ANKRD36: variants seen among roughly 807,000 people sequenced by gnomAD.
The protein encoded by ANKRD36 is ankyrin repeat domain 36.
A neutral mutation model predicts 278.1 loss-of-function variants in ANKRD36; 179 were observed. The observed-to-expected ratio is 0.64, with a 90% CI of 0.57 to 0.73. The LOEUF (loss-of-function observed/expected upper bound fraction) is 0.73, where lower values mean the gene tolerates loss of function less well. Among genes scored for constraint, ANKRD36 ranks in the 30% least tolerant of loss-of-function variants. The pLI, the probability that ANKRD36 is intolerant of heterozygous loss-of-function variation, is 0.00. For missense variants in ANKRD36, 1,159 were observed against 1,956.7 expected, an observed-to-expected ratio of 0.59 and a Z score of 7.69; for synonymous variants, 320 against 641.1, an observed-to-expected ratio of 0.50 and a Z score of 7.57.
chr2:97,215,575 G>A (rs1396039437), intron 62 of ANKRD36, 78 bp downstream of exon 62: 3 of 1,584,974 alleles, frequency 1.9e-6, no homozygotes, highest in East Asian at 2.4e-5. Flanking sequence ...ATCAGCGGGG[G>A]GTTCATTGAA....
At chr2:97,151,446 T>C (rs541108220) in intron 12 of ANKRD36, among the ~76,000 whole-genome samples, 22 of 152,420 alleles carry the variant, frequency 1.4e-4, no homozygotes, top group African/African-American at 5.3e-4. Flanking sequence ...TACTAAAAAC[T>C]ACATTCTCAC....
At chr2:97,172,824 T>C (rs1484310679) in intron 22 of ANKRD36, among the ~76,000 whole-genome samples, 1 of 125,424 alleles carries the variant, frequency 8.0e-6, no homozygotes, top group Non-Finnish European at 1.8e-5. Context: ...CTGGTTTTTG[T>C]GTGTGAATGT....
At chr2:97,123,059 C>A (rs1212206633) in intron 4 of ANKRD36, 66 bp downstream of exon 4, 110 of 1,283,024 alleles carry the variant, frequency 8.6e-5, no homozygotes, top group Non-Finnish European at 1.1e-4. Flanking sequence ...GGTAGCAGTC[C>A]CTCAAGTCAC....
At chr2:97,172,696 A>AT (rs1311953894) in intron 22 of ANKRD36, among the ~76,000 whole-genome samples, 1 of 152,126 alleles carries the variant, frequency 6.6e-6, no homozygotes, top group East Asian at 1.9e-4. Context: ...TGAATGTTAA[A>AT]CTCTAAACTA....
chr2:97,215,518 A>C lies in ANKRD36; in HGVS notation c.3673+21A>C, dbSNP rs1461737353. ...GACAGGTATTTTGGAATACACCTTT[A>C]ATGTAATGTTCGATCAAATAGAAGA... On this transcript the variant is annotated intron_variant, in intron 62 of 75. Coordinates refer to ENST00000420699, the MANE Select transcript of ANKRD36 (RefSeq NM_001354587.1). 16 of 1,591,160 alleles carry C rather than the reference A, an allele frequency of 1.0e-5. 1 individual carries two copies. The highest frequency in any genetic ancestry group is 3.6e-5 in the Admixed American group (2 of 55,800).
At chr2:97,235,254 G>A (rs1482077891) in intron 68 of ANKRD36, among the ~76,000 whole-genome samples, 13 of 151,572 alleles carry the variant, frequency 8.6e-5, no homozygotes, top group Admixed American at 2.6e-4. Flanking sequence ...TTCCAACACC[G>A]CATGTTGAAA....
At chr2:97,129,902 C>T (rs896371723) in intron 6 of ANKRD36, among the ~76,000 whole-genome samples, 6 of 151,934 alleles carry the variant, frequency 3.9e-5, no homozygotes, top group Non-Finnish European at 7.4e-5. Context: ...AGTCAGGTAG[C>T]GTGATGCCTC....
At chr2:97,208,887 C>G (rs1452811677) in intron 54 of ANKRD36, among the ~76,000 whole-genome samples, 1 of 146,730 alleles carries the variant, frequency 6.8e-6, no homozygotes. Context: ...TAGTCATTTT[C>G]AATGAATATT....
Position 97,113,533 on chromosome 2 carries a change from G to C in ANKRD36, c.-207G>C, listed in dbSNP as rs1484063138. On this transcript the variant is annotated 5_prime_UTR_variant, in exon 1 of 76. Coordinates refer to ENST00000420699, the MANE Select transcript of ANKRD36 (RefSeq NM_001354587.1). ...GCTGCTAGGGCGGTTTCTCTGCCTC[G>C]GGCCTGTTGGGCAGGGCCGGCTAAG... 8.1e-6 allele frequency: 5 copies of C among 614,744 alleles called. No homozygotes were observed. Among genetic ancestry groups the C allele is most frequent in the African/African-American group, 5.6e-5 (3 of 53,986 alleles). The allele number at this position is 614,744 out of a possible 1,614,324, so 38.1% of individuals were successfully genotyped here. A position where few individuals can be genotyped will look rare whatever the true frequency, so the allele number is the denominator to read the frequency against.
At chr2:97,188,513 A>G (rs566808477) in intron 32 of ANKRD36, among the ~76,000 whole-genome samples, 55 of 151,016 alleles carry the variant, frequency 3.6e-4, no homozygotes, top group African/African-American at 1.3e-3. Flanking sequence ...TGGGGGTGAG[A>G]GATAATGAAT....
chr2:97,151,435 C>A (rs1206995604), intron 12 of ANKRD36, among the ~76,000 whole-genome samples: 1 of 152,290 alleles, frequency 6.6e-6, no homozygotes, highest in Non-Finnish European at 1.5e-5. Flanking sequence ...AAAGATAGTA[C>A]TACTAAAAAC....
intron 42 of ANKRD36, among the ~76,000 whole-genome samples, chr2:97,197,751 C>G (rs190480430): frequency 2.0e-5 from 3 of 152,010 alleles, no homozygotes; most frequent in African/African-American, 7.2e-5. Flanking sequence ...ATAGGTATGT[C>G]AAAATTGATA....
At chr2:97,231,216 TTTTG>T (rs1254743809) in intron 67 of ANKRD36, among the ~76,000 whole-genome samples, 2 of 152,122 alleles carry the variant, frequency 1.3e-5, no homozygotes, top group African/African-American at 4.8e-5. Context: ...ACTGCTGTCT[TTTTG>T]TTTCTCTGTG....
intron 38 of ANKRD36, among the ~76,000 whole-genome samples, chr2:97,193,897 T>C (rs1182510282): frequency 6.6e-6 from 1 of 151,720 alleles, no homozygotes; most frequent in South Asian, 2.1e-4. Context: ...ACAAGAATGA[T>C]GTTGAATTCC....
intron 66 of ANKRD36, among the ~76,000 whole-genome samples, chr2:97,224,545 G>A (rs1490540232): frequency 1.3e-5 from 2 of 151,750 alleles, no homozygotes; most frequent in South Asian, 4.2e-4. Context: ...CACTTCCCGG[G>A]CTCACGCCAT....
At chr2:97,150,894 CT>C (rs2045784231) in intron 12 of ANKRD36, among the ~76,000 whole-genome samples, 1 of 85,990 alleles carries the variant, frequency 1.2e-5, no homozygotes, top group African/African-American at 3.9e-5. Flanking sequence ...TTCTTTCCCC[CT>C]CTCTCTCTCT....
chr2:97,232,525 C>A (rs1292126115), intron 67 of ANKRD36, among the ~76,000 whole-genome samples: 7 of 130,030 alleles, frequency 5.4e-5, no homozygotes, highest in South Asian at 3.4e-4. Context: ...ACAGGAAGAA[C>A]AAACTTAAGT....
intron 11 of ANKRD36, 83 bp downstream of exon 11, chr2:97,146,599 C>T (rs2044330266): frequency 3.1e-6 from 4 of 1,288,042 alleles, no homozygotes; most frequent in Non-Finnish European, 4.2e-6. Flanking sequence ...TAGTGTTCTC[C>T]TCTGTGCTAG....
chr2:97,144,049 T>C (rs1419200454), intron 8 of ANKRD36, among the ~76,000 whole-genome samples: 1 of 152,168 alleles, frequency 6.6e-6, no homozygotes, highest in African/African-American at 2.4e-5. Flanking sequence ...AAAGTGCCAT[T>C]GTCCTTGTGT....
Sources: gnomAD v4.1 joint callset for allele counts (sites outside exome capture counted in the v4.1 genomes callset) on GRCh38, gnomAD v4.1.1 for gene constraint, MANE v1.5 for transcripts, NCBI Gene and HGNC (gene_info 2026-07-23, HGNC 2026-07-21) for gene names.